VPS41: variants seen among roughly 807,000 people sequenced by gnomAD.
VPS41 encodes the protein vacuolar protein sorting-associated protein 41 homolog.
Under a neutral mutation model 130.9 loss-of-function variants are expected in VPS41, and 85 were observed. The ratio of observed to expected loss-of-function variants is 0.65; its 90% CI spans 0.55 to 0.78. The LOEUF (loss-of-function observed/expected upper bound fraction) is 0.78, where lower values mean the gene tolerates loss of function less well. VPS41 is among the 30% of genes least tolerant of loss of function. The pLI is 0.00. For missense variants in VPS41, 874 were observed against 1,018.7 expected (o/e 0.86, Z 1.93); for synonymous variants, 335 against 332.9 (o/e 1.01, Z -0.07).
At chr7:38,834,111 A>T (rs1383538555) in intron 4 of VPS41, among the ~76,000 whole-genome samples, 2 of 152,158 alleles carry the variant, frequency 1.3e-5, no homozygotes, top group Non-Finnish European at 2.9e-5. Flanking sequence ...GTATTTAAAA[A>T]AAAAAAAAAC....
At chr7:38,815,216 G>A (rs1411933176) in intron 7 of VPS41, among the ~76,000 whole-genome samples, 2 of 152,154 alleles carry the variant, frequency 1.3e-5, no homozygotes, top group African/African-American at 4.8e-5. Context: ...CTGAAGTCAG[G>A]AGTTTGAGAC....
At chr7:38,823,385 C>T (rs1785213495) in intron 5 of VPS41, among the ~76,000 whole-genome samples, 1 of 152,088 alleles carries the variant, frequency 6.6e-6, no homozygotes, top group Non-Finnish European at 1.5e-5. Flanking sequence ...ATCAGACTTC[C>T]CAGCCTTCAG....
At chr7:38,881,311 A>G (rs1043831026) in intron 2 of VPS41, among the ~76,000 whole-genome samples, 16 of 152,138 alleles carry the variant, frequency 1.1e-4, no homozygotes, top group African/African-American at 3.4e-4. Context: ...GGCAGGTTGA[A>G]TCATTCCCAC....
intron 1 of VPS41, among the ~76,000 whole-genome samples, chr7:38,905,715 C>T (rs1298872816): frequency 1.3e-5 from 2 of 151,962 alleles, no homozygotes; most frequent in African/African-American, 4.8e-5. Flanking sequence ...ATACATGATA[C>T]CAAGAAAAAA....
At position 38,743,474 on chromosome 7, in the gene VPS41, T is replaced by C. The variant is rs1465705466; in HGVS notation, c.2050A>G (p.Ile684Val). ...TCATCTTGCTCCTTGGCAAATTCGA[T>C]TGCTTTATCAACATCATGTAATTCC... ...MEELHDVDKA[I>V]EFAKEQDDGE... is the part of the protein sequence containing the mutation. Residue 684 changes from isoleucine (I) to valine (V), a missense_variant, in exon 24 of 29, where the codon ATC becomes GTC. Coordinates refer to ENST00000310301, the MANE Select transcript of VPS41 (RefSeq NM_014396.4). 1.9e-6 allele frequency: 3 copies of C among 1,613,942 alleles called. No homozygotes were observed. The highest frequency in any genetic ancestry group is 2.5e-6 in the Non-Finnish European group (3 of 1,179,936).
chr7:38,797,088 C>A, intron 7 of VPS41: 1 of 439,562 alleles, frequency 2.3e-6, no homozygotes, highest in South Asian at 4.1e-5. Context: ...GTTGAAGTTA[C>A]TACAAGGCCA....
intron 4 of VPS41, among the ~76,000 whole-genome samples, chr7:38,857,563 C>A (rs1786013070): frequency 6.6e-6 from 1 of 152,158 alleles, no homozygotes. Flanking sequence ...CCTTAATTAA[C>A]AAGTTTTAAA....
At chr7:38,896,463 C>G (rs1001963113) in intron 2 of VPS41, among the ~76,000 whole-genome samples, 2 of 152,216 alleles carry the variant, frequency 1.3e-5, no homozygotes, top group South Asian at 4.1e-4. Context: ...ACCCATGGCC[C>G]GCAGGCCACA....
At chr7:38,782,627 TAC>T (rs1367693257) in intron 10 of VPS41, among the ~76,000 whole-genome samples, 1 of 152,202 alleles carries the variant, frequency 6.6e-6, no homozygotes, top group African/African-American at 2.4e-5. Context: ...CATGTTTTAA[TAC>T]ATCAACCTTA....
intron 4 of VPS41, among the ~76,000 whole-genome samples, chr7:38,842,616 C>G (rs1471624843): frequency 6.6e-6 from 1 of 152,152 alleles, no homozygotes; most frequent in Non-Finnish European, 1.5e-5. Flanking sequence ...CCAGCCAGAC[C>G]CAAAAGATTC....
chr7:38,863,581 T>C (rs1786165926), intron 3 of VPS41, among the ~76,000 whole-genome samples: 1 of 152,164 alleles, frequency 6.6e-6, no homozygotes, highest in Non-Finnish European at 1.5e-5. Context: ...ACTTAAAATA[T>C]GAAGCTACAT....
chr7:38,890,932 C>T (rs1055362477), intron 2 of VPS41, among the ~76,000 whole-genome samples: 9 of 152,082 alleles, frequency 5.9e-5, no homozygotes, highest in South Asian at 2.1e-4. Context: ...GTGATCCTCC[C>T]GCCTTGACCT....
rs1272290738 is a variant in VPS41, at chr7:38,741,859, G to A, written c.2259+126C>T. ...TTTGAACAGTTTTCTAAATATCTGG[G>A]CCTAAATAAAATGTAACCATAAAAT... On this transcript the variant is annotated intron_variant, in intron 25 of 28. Coordinates refer to ENST00000310301, the MANE Select transcript of VPS41 (RefSeq NM_014396.4). The A allele has an allele frequency of 6.7e-6, 7 of 1,043,870 alleles. No homozygotes were observed. In the African/African-American group the frequency reaches 1.1e-4, roughly 17 times the overall value. The allele number at this position is 1,043,870 out of a possible 1,614,324, so 64.7% of individuals were successfully genotyped here.
intron 16 of VPS41, among the ~76,000 whole-genome samples, chr7:38,764,587 AC>A (rs1783992459): frequency 6.6e-6 from 1 of 152,130 alleles, no homozygotes; most frequent in African/African-American, 2.4e-5. Context: ...CAATGGTACC[AC>A]AGGGGAAGAG....
At chr7:38,816,526 T>C (rs1785051645) in intron 7 of VPS41, among the ~76,000 whole-genome samples, 1 of 152,198 alleles carries the variant, frequency 6.6e-6, no homozygotes. Context: ...ATAGACTACT[T>C]CCTTTTCACT....
At chr7:38,893,777 C>A (rs865894801) in intron 2 of VPS41, among the ~76,000 whole-genome samples, 3 of 152,152 alleles carry the variant, frequency 2.0e-5, no homozygotes, top group Non-Finnish European at 4.4e-5. Flanking sequence ...TATTAAAATT[C>A]TTAAAGTTTT....
chr7:38,891,554 A>G (rs1786866774), intron 2 of VPS41, among the ~76,000 whole-genome samples: 1 of 152,242 alleles, frequency 6.6e-6, no homozygotes, highest in Non-Finnish European at 1.5e-5. Flanking sequence ...CATACATGGC[A>G]GATACACACA....
At chr7:38,733,096 G>A (rs537688518) in intron 25 of VPS41, among the ~76,000 whole-genome samples, 1 of 152,234 alleles carries the variant, frequency 6.6e-6, no homozygotes, top group East Asian at 1.9e-4. Flanking sequence ...CCAAAGTGAC[G>A]AGATTACAGG....
rs776231866 is a variant in VPS41 at position 38,876,397 on chromosome 7, T to C, written c.61-7144A>G. ...CCAAATTTTATTTAAGAAATGTATATGCATATATGGGGGGAAGATGAGAAG... is the reference window on the plus strand; with the variant it reads ...CCAAATTTTATTTAAGAAATGTATACGCATATATGGGGGGAAGATGAGAAG... On this transcript the variant is annotated intron_variant, in intron 2 of 28. Coordinates refer to ENST00000310301, the MANE Select transcript of VPS41 (RefSeq NM_014396.4). Among the ~76,000 whole-genome samples, 80 of 152,158 alleles carry C rather than the reference T, an allele frequency of 5.3e-4. 2 individuals are homozygous for C. Among genetic ancestry groups the C allele is most frequent in the Admixed American group, 6.6e-4 (10 of 15,262 alleles).
Sources: allele counts gnomAD v4.1 joint callset (sites outside exome capture counted in the v4.1 genomes callset), GRCh38; gene constraint gnomAD v4.1.1; transcripts MANE v1.5; gene names NCBI Gene and HGNC (gene_info 2026-07-23, HGNC 2026-07-21).